The following SYT10 variants were observed in gnomAD, a reference collection of about 807,000 sequenced individuals.
The protein encoded by SYT10 is synaptotagmin-10.
Under a neutral mutation model 51.1 loss-of-function variants are expected in SYT10, and 31 were observed. That is an observed-to-expected ratio of 0.61 (90% confidence interval 0.46 to 0.82). SYT10 has a LOEUF of 0.82. Ranked by LOEUF, SYT10 falls within the 40% of genes least tolerant of loss-of-function variation. The pLI is 0.00. For synonymous variants in SYT10, 233 were observed against 225.9 expected, an observed-to-expected ratio of 1.03 and a Z score of -0.28; for missense variants, 603 against 634.0, an observed-to-expected ratio of 0.95 and a Z score of 0.53.
intron 5 of SYT10, among the ~76,000 whole-genome samples, chr12:33,381,084 A>G (rs912238435): frequency 2.6e-5 from 4 of 152,128 alleles, no homozygotes; most frequent in African/African-American, 9.7e-5. Context: ...ATCTACCTAC[A>G]CTTATTGCTG....
intron 2 of SYT10, among the ~76,000 whole-genome samples, chr12:33,414,061 C>CCAA (rs1350686926): frequency 6.6e-6 from 1 of 151,778 alleles, no homozygotes. Flanking sequence ...AGACTTTAAA[C>CCAA]CAACAAAGAT....
intron 2 of SYT10, among the ~76,000 whole-genome samples, chr12:33,410,589 G>T (rs1489283378): frequency 6.6e-6 from 1 of 152,166 alleles, no homozygotes; most frequent in Admixed American, 6.5e-5. Context: ...TGGTGGAAGG[G>T]TGTCACAGGT....
In SYT10 at chr12:33,439,762, A is replaced by C; in HGVS notation, c.-240T>G. On this transcript the variant is annotated 5_prime_UTR_variant, in exon 1 of 7. Coordinates refer to ENST00000228567, the MANE Select transcript of SYT10 (RefSeq NM_198992.4). ...TGCGGCTGCCGCGAGGTTTGCGCCAACTCTCCCGCCGCGCGAGCGAGCCGA... is the reference window on the plus strand; with the variant it reads ...TGCGGCTGCCGCGAGGTTTGCGCCACCTCTCCCGCCGCGCGAGCGAGCCGA... 13 of 495,590 alleles carry C rather than the reference A, an allele frequency of 2.6e-5. No individual in the cohort carries two copies. Among genetic ancestry groups the C allele is most frequent in the Non-Finnish European group, 3.5e-5 (10 of 282,728 alleles). 30.7% of individuals were successfully genotyped at this position (495,590 alleles called of 1,614,324 possible).
At chr12:33,391,015 C>A (rs918014679) in intron 3 of SYT10, among the ~76,000 whole-genome samples, 1 of 152,180 alleles carries the variant, frequency 6.6e-6, no homozygotes, top group African/African-American at 2.4e-5. Context: ...CAGCTCACTG[C>A]AACCTCTGCC....
At chr12:33,377,210 T>C (rs1450210670) in intron 6 of SYT10, among the ~76,000 whole-genome samples, 2 of 152,158 alleles carry the variant, frequency 1.3e-5, no homozygotes, top group East Asian at 1.9e-4. Flanking sequence ...CTATAAAAAA[T>C]AAATGGTTTA....
rs1866065625 is a variant in SYT10 at position 33,376,735 on chromosome 12, T to C, written c.*95A>G. ...TCAAGTTTGTTCATTAGTACGGATA[T>C]ATTTCAAATGAGGAAACCAAACCTT... On this transcript the variant is annotated 3_prime_UTR_variant, in exon 7 of 7. Transcript: ENST00000228567. 1 of 1,382,904 alleles carries C rather than the reference T, an allele frequency of 7.2e-7. No homozygotes were observed. The allele number at this position is 1,382,904 out of a possible 1,614,324, so 85.7% of individuals were successfully genotyped here. A position where few individuals can be genotyped will look rare whatever the true frequency, so the allele number is the denominator to read the frequency against.
intron 3 of SYT10, among the ~76,000 whole-genome samples, chr12:33,391,143 G>C (rs1474844159): frequency 6.6e-6 from 1 of 152,174 alleles, no homozygotes; most frequent in Non-Finnish European, 1.5e-5. Flanking sequence ...CGCCATGTTG[G>C]CCAGACTGGT....
At chr12:33,382,259 T>C in intron 5 of SYT10, 90 bp downstream of exon 5, 1 of 1,150,262 alleles carries the variant, frequency 8.7e-7, no homozygotes, top group Non-Finnish European at 1.1e-6. Context: ...AAATTAAAAC[T>C]GTTGTGGCAG....
rs1866049785 is a variant in SYT10, at chr12:33,374,866, G to A, written c.*1964C>T. The A allele has an allele frequency of 6.6e-6, 1 of 151,734 alleles. No individual in the cohort carries two copies. The highest frequency in any genetic ancestry group is 1.5e-5 in the Non-Finnish European group (1 of 67,832). 9.4% of individuals were successfully genotyped at this position (151,734 alleles called of 1,614,324 possible). A position where few individuals can be genotyped will look rare whatever the true frequency, so the allele number is the denominator to read the frequency against. On this transcript the variant is annotated 3_prime_UTR_variant, in exon 7 of 7. Transcript: ENST00000228567. ...AAAAAGTCCTTAAAAATGTGTTTTT[G>A]GGTGAAAATAATTATACTCACTTAG...
chr12:33,414,500 A>C (rs1229823006), intron 2 of SYT10, among the ~76,000 whole-genome samples: 7 of 152,236 alleles, frequency 4.6e-5, no homozygotes, highest in African/African-American at 1.7e-4. Context: ...CAGTGCAATC[A>C]AACTAGAACT....
chr12:33,413,668 G>A (rs1398892978), intron 2 of SYT10, among the ~76,000 whole-genome samples: 3 of 152,100 alleles, frequency 2.0e-5, no homozygotes, highest in Non-Finnish European at 2.9e-5. Context: ...TGTCCTAAAA[G>A]AGCTCCTGAA....
intron 2 of SYT10, among the ~76,000 whole-genome samples, chr12:33,417,600 A>G (rs1866465548): frequency 1.3e-5 from 2 of 152,250 alleles, no homozygotes; most frequent in South Asian, 4.1e-4. Flanking sequence ...TGAGAGGGAA[A>G]ACAGATTGCT....
At chr12:33,428,661 C>T (rs1425208095) in intron 1 of SYT10, among the ~76,000 whole-genome samples, 1 of 152,088 alleles carries the variant, frequency 6.6e-6, no homozygotes, top group East Asian at 1.9e-4. Flanking sequence ...AATCCCAGCA[C>T]TTTGGGAGGC....
intron 1 of SYT10, among the ~76,000 whole-genome samples, chr12:33,437,117 T>A (rs1380941946): frequency 8.5e-5 from 13 of 152,230 alleles, no homozygotes; most frequent in Admixed American, 8.5e-4. Flanking sequence ...TATTTGCAGA[T>A]TAAAGTATTT....
intron 2 of SYT10, among the ~76,000 whole-genome samples, chr12:33,425,511 C>T (rs1190467581): frequency 2.0e-5 from 3 of 152,046 alleles, no homozygotes; most frequent in African/African-American, 7.2e-5. Context: ...AGTCCTCTTC[C>T]TCCTCCTTTT....
chr12:33,402,913 T>C (rs868506719), intron 3 of SYT10, among the ~76,000 whole-genome samples: 2 of 151,956 alleles, frequency 1.3e-5, no homozygotes, highest in Admixed American at 6.6e-5. Flanking sequence ...ATAATTAGCA[T>C]GAAGAAGGAA....
rs1157283821 is a variant in SYT10, at chr12:33,385,298, A to T, written c.1078-7T>A. On this transcript the variant is annotated splice_polypyrimidine_tract_variant and splice_region_variant and intron_variant, in intron 3 of 6. Coordinates refer to ENST00000228567, the MANE Select transcript of SYT10 (RefSeq NM_198992.4). ...CACCCAGGTCTATACTTTCCTAGAA[A>T]GGCAATCGGCATGTTAGCAATTTCA... is the stretch of plus-strand genomic sequence containing the variant. 1 of 1,612,600 alleles carries T rather than the reference A, an allele frequency of 6.2e-7. No homozygotes were observed. Among genetic ancestry groups the T allele is most frequent in the East Asian group, 2.2e-5 (1 of 44,812 alleles).
chr12:33,410,177 T>C (rs1866393540), intron 2 of SYT10, among the ~76,000 whole-genome samples: 1 of 152,214 alleles, frequency 6.6e-6, no homozygotes, highest in Admixed American at 6.5e-5. Context: ...TCTCTTTCAT[T>C]CTATAGTCCT....
chr12:33,397,439 G>A (rs1165719298), intron 3 of SYT10, among the ~76,000 whole-genome samples: 6 of 152,210 alleles, frequency 3.9e-5, no homozygotes. Context: ...ACCCTCAGAT[G>A]AAGGGCATAG....
Sources: allele counts gnomAD v4.1 joint callset (sites outside exome capture counted in the v4.1 genomes callset), GRCh38; gene constraint gnomAD v4.1.1; transcripts MANE v1.5; gene names NCBI Gene and HGNC (gene_info 2026-07-23, HGNC 2026-07-21).